APBA2: variants seen among roughly 807,000 people sequenced by gnomAD.
The protein encoded by APBA2 is amyloid beta precursor protein binding family A member 2.
A neutral mutation model predicts 75.0 loss-of-function variants in APBA2; 30 were observed. The observed-to-expected ratio is 0.40, with a 90% confidence interval of 0.30 to 0.54. The LOEUF is 0.54. Ranked by LOEUF, APBA2 falls within the 20% of genes least tolerant of loss-of-function variation. APBA2 has a pLI of 0.49. For synonymous variants in APBA2, 444 were observed against 409.6 expected, an observed-to-expected ratio of 1.08 and a Z score of -1.01; for missense variants, 801 against 1,016.1, an observed-to-expected ratio of 0.79 and a Z score of 2.88.
chr15:28,979,142 C>G (rs1039758063), intron 2 of APBA2, among the ~76,000 whole-genome samples: 1 of 152,214 alleles, frequency 6.6e-6, no homozygotes, highest in Admixed American at 6.5e-5. Flanking sequence ...ATCCACACCC[C>G]CTGCCTGGCC....
At chr15:28,917,809 G>A (rs1030853197) in intron 1 of APBA2, among the ~76,000 whole-genome samples, 2 of 152,176 alleles carry the variant, frequency 1.3e-5, no homozygotes, top group Admixed American at 6.5e-5. Flanking sequence ...GCTGACTCTT[G>A]TTTTGAGGAG....
rs1006095079 is a variant in APBA2, at chr15:28,918,787, C to T, written c.-204-2853C>T. 6.6e-6 allele frequency among the ~76,000 whole-genome samples: 1 copy of T among 152,106 alleles called. No homozygotes were observed. ...TGCTTGGGGTTGTTGCCCACATCAC[C>T]GAGCGAACGTTCCTGTCCCGCCCAC... On this transcript the variant is annotated intron_variant, in intron 1 of 14. Coordinates refer to ENST00000683413, the MANE Select transcript of APBA2 (RefSeq NM_001353788.2). This position sits in a 1 kb window ranked among gnomAD's most constrained non-coding sequence, Gnocchi z 4.2.
At chr15:28,978,581 G>T (rs2037460859) in intron 2 of APBA2, among the ~76,000 whole-genome samples, 1 of 152,206 alleles carries the variant, frequency 6.6e-6, no homozygotes. Flanking sequence ...TGCTGTAAAA[G>T]GGGGAATCTT....
Position 28,961,743 on chromosome 15 carries a change from C to T in APBA2, c.-94-34010C>T, listed in dbSNP as rs1351728892. Among the ~76,000 whole-genome samples the T allele has an allele frequency of 2.6e-5, 4 of 152,162 alleles. No individual in the cohort carries two copies. The East Asian group carries it at 7.7e-4, about 29-fold the overall frequency. ...ACCCAGCGCTTCTCAACTCTGACTG[C>T]AGATTTCCAGCTGCCATTTCTAAAG... On this transcript the variant is annotated intron_variant, in intron 2 of 14. Coordinates refer to ENST00000683413, the MANE Select transcript of APBA2 (RefSeq NM_001353788.2).
At chr15:28,930,884 C>G (rs1057502209) in intron 2 of APBA2, among the ~76,000 whole-genome samples, 7 of 152,206 alleles carry the variant, frequency 4.6e-5, no homozygotes, top group African/African-American at 1.7e-4. Context: ...TTCAAGGCGG[C>G]CCCAGGCTGG....
intron 3 of APBA2, among the ~76,000 whole-genome samples, chr15:29,043,731 G>A (rs1387654081): frequency 1.3e-5 from 2 of 152,178 alleles, no homozygotes; most frequent in African/African-American, 4.8e-5. Context: ...TTTAGTGTGT[G>A]CTCAATATTT....
At chr15:29,049,705 G>A (rs557309563) in intron 3 of APBA2, among the ~76,000 whole-genome samples, 4 of 152,282 alleles carry the variant, frequency 2.6e-5, no homozygotes, top group South Asian at 2.1e-4. Flanking sequence ...TCCACCAGTC[G>A]CTGAAAGACA....
chr15:29,104,253 G>A (rs1157021918), intron 10 of APBA2, among the ~76,000 whole-genome samples: 1 of 152,360 alleles, frequency 6.6e-6, no homozygotes, highest in African/African-American at 2.4e-5. Flanking sequence ...CTTGAGGGCA[G>A]TTGGGGAGGC....
intron 6 of APBA2, among the ~76,000 whole-genome samples, chr15:29,091,334 G>A (rs546775098): frequency 3.9e-4 from 59 of 152,250 alleles, no homozygotes; most frequent in African/African-American, 1.4e-3. Context: ...GACCCCAGGG[G>A]CACGCAGACC....
In APBA2 at chr15:28,905,076, G is replaced by A. The variant is rs887033022; in HGVS notation, c.-204-16564G>A. Among the ~76,000 whole-genome samples, 23 of 152,126 alleles carry A rather than the reference G, an allele frequency of 1.5e-4. 1 individual carries two copies. Among genetic ancestry groups the A allele is most frequent in the African/African-American group, 5.3e-4 (22 of 41,436 alleles). On this transcript the variant is annotated intron_variant, in intron 1 of 14. Coordinates refer to ENST00000683413, the MANE Select transcript of APBA2 (RefSeq NM_001353788.2). ...CAAGCCCTCCCCCAGTTCCTCAACC[G>A]CCTGGGACTGCACAGGTGCCTGGGA...
intron 2 of APBA2, among the ~76,000 whole-genome samples, chr15:28,957,288 G>A (rs1027053810): frequency 3.9e-5 from 6 of 151,926 alleles, no homozygotes; most frequent in Admixed American, 3.3e-4. Flanking sequence ...TGTTAGCCAC[G>A]ATGGTCTCAA....
At chr15:28,945,883 C>T (rs558190646) in intron 2 of APBA2, among the ~76,000 whole-genome samples, 98 of 152,190 alleles carry the variant, frequency 6.4e-4, no homozygotes, top group African/African-American at 2.1e-3. Flanking sequence ...TGTTTACAGC[C>T]GTCTTAGATA....
chr15:29,105,700 C>A, intron 11 of APBA2, 142 bp downstream of exon 11: 1 of 852,870 alleles, frequency 1.2e-6, no homozygotes, highest in Non-Finnish European at 1.9e-6. Context: ...ATGTGCACCT[C>A]GCTCCTGCCT....
At chr15:28,923,986 G>T (rs2034119017) in intron 2 of APBA2, among the ~76,000 whole-genome samples, 1 of 152,206 alleles carries the variant, frequency 6.6e-6, no homozygotes, top group South Asian at 2.1e-4. Flanking sequence ...TTCAAGAGAA[G>T]ATGCAGAAAG....
intron 1 of APBA2, among the ~76,000 whole-genome samples, chr15:28,921,345 C>T (rs958446523): frequency 8.5e-5 from 13 of 152,158 alleles, no homozygotes; most frequent in Non-Finnish European, 8.8e-5. Flanking sequence ...ACCTGTGGCC[C>T]GAAATCATTA....
intron 2 of APBA2, among the ~76,000 whole-genome samples, chr15:28,938,557 G>A (rs2035009360): frequency 6.6e-6 from 1 of 152,164 alleles, no homozygotes; most frequent in East Asian, 1.9e-4. Context: ...AGCCCAGGCT[G>A]GAGTGCAGGG....
At chr15:28,907,111 G>C (rs2033170672) in intron 1 of APBA2, among the ~76,000 whole-genome samples, 1 of 152,096 alleles carries the variant, frequency 6.6e-6, no homozygotes, top group Non-Finnish European at 1.5e-5. Context: ...GCTAATACTT[G>C]ATAGTCCAGA....
intron 3 of APBA2, among the ~76,000 whole-genome samples, chr15:29,030,729 A>ATG (rs60048817): frequency 0.11 from 11,906 of 113,150 alleles, 526 homozygotes; most frequent in African/African-American, 0.15. Flanking sequence ...CCATGTGAGT[A>ATG]TGTGTGTGTG....
intron 3 of APBA2, among the ~76,000 whole-genome samples, chr15:29,043,671 G>A (rs1206016673): frequency 1.3e-5 from 2 of 152,144 alleles, no homozygotes; most frequent in Non-Finnish European, 2.9e-5. Flanking sequence ...CCACAAAATT[G>A]TCTTGTGGAA....
Sources: allele counts gnomAD v4.1 joint callset (sites outside exome capture counted in the v4.1 genomes callset), GRCh38; gene constraint gnomAD v4.1.1; non-coding constraint Gnocchi (gnomAD v3.1); transcripts MANE v1.5; gene names NCBI Gene and HGNC (gene_info 2026-07-23, HGNC 2026-07-21).